The following CNGB1 variants were observed in gnomAD, a reference collection of about 807,000 sequenced individuals.
CNGB1 encodes cyclic nucleotide-gated channel beta-1.
In CNGB1, 126 loss-of-function variants were observed where a neutral mutation model predicts 151.7. The observed-to-expected ratio is 0.83, with a 90% confidence interval of 0.72 to 0.96. The LOEUF (loss-of-function observed/expected upper bound fraction) is 0.96. CNGB1 is among the 40% of genes least tolerant of loss of function. The pLI, the probability that CNGB1 is intolerant of heterozygous loss-of-function variation, is 0.00. For missense variants in CNGB1, 1,698 were observed against 1,627.0 expected (o/e 1.04, Z -0.75); for synonymous variants, 623 against 635.1 (o/e 0.98, Z 0.29).
chr16:57,903,537 C>T (rs79836518), intron 27 of CNGB1, among the ~76,000 whole-genome samples: 9,159 of 152,176 alleles, frequency 0.06, 601 homozygotes, highest in East Asian at 0.33. Flanking sequence ...CTACACTTCG[C>T]TCTTGGATGG....
chr16:57,968,747 C>T (rs377617064), intron 1 of CNGB1, among the ~76,000 whole-genome samples: 1 of 151,698 alleles, frequency 6.6e-6, no homozygotes, highest in Admixed American at 6.6e-5. Context: ...ATAAAATGGG[C>T]TGGGTGCAGA....
intron 31 of CNGB1, among the ~76,000 whole-genome samples, chr16:57,893,008 C>A (rs1960135950): frequency 6.6e-6 from 1 of 152,134 alleles, no homozygotes; most frequent in Non-Finnish European, 1.5e-5. Flanking sequence ...TTGTTTGGTC[C>A]CTCCTGTGTC....
At chr16:57,968,625 T>C (rs1283599002) in intron 1 of CNGB1, among the ~76,000 whole-genome samples, 1 of 152,164 alleles carries the variant, frequency 6.6e-6, no homozygotes, top group South Asian at 2.1e-4. Flanking sequence ...GTAATATGCA[T>C]GTACTACATA....
intron 23 of CNGB1, among the ~76,000 whole-genome samples, chr16:57,914,064 A>T (rs1187989679): frequency 6.6e-6 from 1 of 152,216 alleles, no homozygotes; most frequent in Non-Finnish European, 1.5e-5. Context: ...CCATGTGTTC[A>T]TTCTAGTTCC....
At chr16:57,941,424 A>C (rs1961664656) in intron 14 of CNGB1, among the ~76,000 whole-genome samples, 1 of 152,140 alleles carries the variant, frequency 6.6e-6, no homozygotes, top group African/African-American at 2.4e-5. Flanking sequence ...TGGAGACGGG[A>C]TTGTTGCCTA....
intron 16 of CNGB1, among the ~76,000 whole-genome samples, chr16:57,935,791 TA>T (rs1281488579): frequency 4.6e-5 from 7 of 151,488 alleles, no homozygotes; most frequent in Admixed American, 1.3e-4. Context: ...TCCTCAATGA[TA>T]GGGGTGGGCT....
rs754976555 is a variant in CNGB1 at position 57,958,528 on chromosome 16, C to T, written c.762-43G>A. ...TGTGCGGTGTCCAGGTGGGAAGGGT[C>T]ATGGGTAAACTGAGGCTGGAGTCAG... On this transcript the variant is annotated intron_variant, in intron 10 of 32. Transcript: ENST00000251102. 3.9e-6 allele frequency: 6 copies of T among 1,546,894 alleles called. No homozygotes were observed. In the African/African-American group the frequency reaches 4.1e-5, roughly 10 times the overall value.
chr16:57,894,676 T>C (rs919565118), intron 31 of CNGB1, among the ~76,000 whole-genome samples: 7 of 152,156 alleles, frequency 4.6e-5, no homozygotes, highest in South Asian at 2.1e-4. Flanking sequence ...AAGGCAGAAA[T>C]TGATGCAACG....
At chr16:57,970,895 C>T (rs1182590185) in intron 1 of CNGB1, among the ~76,000 whole-genome samples, 165 bp downstream of exon 1, 1 of 152,102 alleles carries the variant, frequency 6.6e-6, no homozygotes, top group Non-Finnish European at 1.5e-5. Context: ...ATTGTACAAG[C>T]TGTCCTGAAA....
rs1398742287 is a variant in CNGB1, at chr16:57,919,225, G to A, written c.1831C>T (p.Pro611Ser). The A allele has an allele frequency of 1.9e-6, 3 of 1,614,200 alleles. No individual in the cohort carries two copies. Among genetic ancestry groups the A allele is most frequent in the Admixed American group, 3.3e-5 (2 of 60,022 alleles). ...TCGGCTTCAGCGGGCTTTGTGTCTG[G>A]AGCTGGCTCTGGGGCTTTCTTGGCT... ...SPAKKAPEPA[P>S]DTKPAEAEPV... Residue 611 changes from proline (P) to serine (S), a missense_variant, in exon 20 of 33, where the codon CCA becomes TCA. Physicochemically the swap from Pro to Ser is moderately conservative, Grantham distance 74 (BLOSUM62 -1). Transcript: ENST00000251102.
intron 17 of CNGB1, among the ~76,000 whole-genome samples, chr16:57,925,879 G>C (rs1961171386): frequency 6.6e-6 from 1 of 151,968 alleles, no homozygotes; most frequent in African/African-American, 2.4e-5. Flanking sequence ...GTAGAGACAG[G>C]GTTTCACCAT....
At chr16:57,950,636 G>T in intron 12 of CNGB1, 96 bp from the exon 13 acceptor site, 1 of 1,181,046 alleles carries the variant, frequency 8.5e-7, no homozygotes, top group Non-Finnish European at 1.2e-6. Context: ...CCTGGCTGTC[G>T]CCAGCAGTGC....
intron 30 of CNGB1, 95 bp from the exon 31 acceptor site, chr16:57,897,638 C>A: frequency 6.3e-7 from 1 of 1,584,606 alleles, no homozygotes; most frequent in Non-Finnish European, 8.6e-7. Flanking sequence ...CAGTGGTGGC[C>A]CCACACAGAT....
intron 27 of CNGB1, among the ~76,000 whole-genome samples, chr16:57,902,227 C>A (rs1277086849): frequency 6.6e-6 from 1 of 151,678 alleles, no homozygotes; most frequent in Non-Finnish European, 1.5e-5. Context: ...CCCACCACCA[C>A]GCGGGCTAAT....
At chr16:57,920,336 A>G (rs1342062982) in intron 19 of CNGB1, 51 bp downstream of exon 19, 2 of 1,606,238 alleles carry the variant, frequency 1.2e-6, no homozygotes, top group African/African-American at 1.3e-5. Context: ...GGAACTTTGG[A>G]GGCCCCACCC....
chr16:57,955,264 G>T (rs1439096528), intron 12 of CNGB1: 1 of 1,549,282 alleles, frequency 6.5e-7, no homozygotes, highest in Non-Finnish European at 8.7e-7. Flanking sequence ...CCCCCGGGAA[G>T]GTCTTCTCTT....
At position 57,940,274 on chromosome 16, in the gene CNGB1, C is replaced by T. The variant is rs748557193; in HGVS notation, c.1169G>A (p.Ser390Asn). The T allele has an allele frequency of 5.1e-6, 8 of 1,581,640 alleles. No individual in the cohort carries two copies. In the Admixed American group the frequency reaches 9.2e-5, roughly 18 times the overall value. The change falls in exon 15 of 33, where the codon AGT (serine) becomes AAT (asparagine). Residue 390 changes from serine (S) to asparagine (N), a missense_variant. Coordinates refer to ENST00000251102, the MANE Select transcript of CNGB1 (RefSeq NM_001297.5). Reference sequence around the variant, plus strand: ...CTGGGGCCGGGTCCCGTCTTCTTCACTCTGGCCCACGCCCACCTGCGACAC... The same window carrying T: ...CTGGGGCCGGGTCCCGTCTTCTTCATTCTGGCCCACGCCCACCTGCGACAC... ...CVVSQVGVGQSEEDGTRPQST... is the reference protein window; with the variant it reads ...CVVSQVGVGQNEEDGTRPQST...
chr16:57,911,642 G>A, intron 25 of CNGB1, 111 bp downstream of exon 25: 5 of 1,456,932 alleles, frequency 3.4e-6, no homozygotes, highest in Non-Finnish European at 4.7e-6. Context: ...GAGCAAAGTG[G>A]CCTTGGCAAT....
Position 57,940,326 on chromosome 16 carries a change from G to A in CNGB1, c.1122-5C>T. The A allele has an allele frequency of 6.3e-7, 1 of 1,575,374 alleles. No individual in the cohort carries two copies. The highest frequency in any genetic ancestry group is 2.3e-5 in the East Asian group (1 of 43,290). On this transcript the variant is annotated splice_polypyrimidine_tract_variant and splice_region_variant and intron_variant, in intron 14 of 32. Coordinates refer to ENST00000251102, the MANE Select transcript of CNGB1 (RefSeq NM_001297.5). Reference sequence around the variant, plus strand: ...ACACAGCTATCCAGCAGCACCCTGTGACCCGGGGCGGGGTGGGGAGGATAA... The same window carrying A: ...ACACAGCTATCCAGCAGCACCCTGTAACCCGGGGCGGGGTGGGGAGGATAA...
Sources: allele counts gnomAD v4.1 joint callset (sites outside exome capture counted in the v4.1 genomes callset), GRCh38; gene constraint gnomAD v4.1.1; transcripts MANE v1.5; gene names NCBI Gene and HGNC (gene_info 2026-07-23, HGNC 2026-07-21).